Variants in IL34 observed in about 807,000 individuals in gnomAD.
IL34 encodes the protein interleukin 34.
In IL34, 17 loss-of-function variants were observed where a neutral mutation model predicts 25.3. The ratio of observed to expected loss-of-function variants is 0.67; its 90% CI spans 0.46 to 1.01. IL34 has a LOEUF of 1.01. IL34 is among the 50% of genes least tolerant of loss of function. The pLI, the probability that IL34 is intolerant of heterozygous loss-of-function variation, is 0.00. For missense variants in IL34, 368 were observed against 312.9 expected (o/e 1.18, Z -1.33); for synonymous variants, 174 against 140.9 (o/e 1.23, Z -1.66).
chr16:70,645,561 G>A (rs540232829), upstream of IL34, among the ~76,000 whole-genome samples: 6 of 152,282 alleles, frequency 3.9e-5, no homozygotes, highest in Non-Finnish European at 5.9e-5. Flanking sequence ...GGAGGACCAC[G>A]CACACACGCT....
upstream of IL34, among the ~76,000 whole-genome samples, chr16:70,642,982 C>T (rs1350648712): frequency 1.3e-5 from 2 of 152,102 alleles, no homozygotes; most frequent in Admixed American, 6.6e-5. Context: ...TGAAAATGTT[C>T]TGTAATTAAA....
upstream of IL34, among the ~76,000 whole-genome samples, chr16:70,641,606 C>T (rs1198763536): frequency 1.4e-5 from 2 of 146,924 alleles, no homozygotes; most frequent in Non-Finnish European, 3.0e-5. Flanking sequence ...CACTCTGTTG[C>T]CAAGGCTGGA....
At chr16:70,630,334 C>T (rs1320493832) in intron 1 of IL34, among the ~76,000 whole-genome samples, 3 of 152,118 alleles carry the variant, frequency 2.0e-5, no homozygotes, top group South Asian at 4.1e-4. Flanking sequence ...GCCTCCCCAG[C>T]GATTCTCCTG....
upstream of IL34, among the ~76,000 whole-genome samples, chr16:70,642,749 T>A (rs2051815945): frequency 6.6e-6 from 1 of 152,168 alleles, no homozygotes; most frequent in South Asian, 2.1e-4. Flanking sequence ...ACACAAACAT[T>A]CAGTTCATAA....
At chr16:70,647,349 G>A (rs1442373598) in intron 1 of IL34, among the ~76,000 whole-genome samples, 1 of 152,214 alleles carries the variant, frequency 6.6e-6, no homozygotes, top group African/African-American at 2.4e-5. Context: ...GCAGGGGCTG[G>A]TGAAAGTGTC....
chr16:70,597,047 G>A (rs1372595994), intron 1 of IL34, among the ~76,000 whole-genome samples: 2 of 152,166 alleles, frequency 1.3e-5, no homozygotes, highest in African/African-American at 4.8e-5. Context: ...CACTTGAGCA[G>A]CTCAGGTGGG....
chr16:70,595,988 G>A (rs1284812612), intron 1 of IL34, among the ~76,000 whole-genome samples: 1 of 151,072 alleles, frequency 6.6e-6, no homozygotes, highest in South Asian at 2.1e-4. Flanking sequence ...TCCAGCATGG[G>A]CGACACAGCG....
At chr16:70,643,179 C>T (rs1428955072), upstream of IL34, among the ~76,000 whole-genome samples, 3 of 152,212 alleles carry the variant, frequency 2.0e-5, no homozygotes, top group East Asian at 3.9e-4. Flanking sequence ...TCTCCTGCCT[C>T]AGCCTCCTGA....
At chr16:70,597,401 C>G (rs764311530) in intron 1 of IL34, among the ~76,000 whole-genome samples, 5 of 151,766 alleles carry the variant, frequency 3.3e-5, no homozygotes, top group African/African-American at 1.2e-4. Context: ...TTAATTTTTT[C>G]GTAGAGATGG....
At chr16:70,598,269 G>C (rs2050854659) in intron 1 of IL34, among the ~76,000 whole-genome samples, 1 of 152,100 alleles carries the variant, frequency 6.6e-6, no homozygotes, top group African/African-American at 2.4e-5. Flanking sequence ...CGACCTCTTA[G>C]AGGTCACCTT....
Position 70,635,965 on chromosome 16 carries a change from A to G in IL34, c.-400-10583A>G, listed in dbSNP as rs1278748940. On this transcript the variant is annotated intron_variant, in intron 1 of 6. Transcript: ENST00000429149. ...GAGGCTGAGGCAAAAGAGGATCCTC[A>G]CCTTGCCCAAGGCAAGGTGGAGTCA... Among the ~76,000 whole-genome samples, 6 of 151,340 alleles carry G rather than the reference A, an allele frequency of 4.0e-5. 1 individual carries two copies. Among genetic ancestry groups the G allele is most frequent in the Admixed American group, 3.9e-4 (6 of 15,238 alleles).
intron 1 of IL34, among the ~76,000 whole-genome samples, chr16:70,621,947 G>T (rs554526986): frequency 7.2e-5 from 11 of 151,968 alleles, no homozygotes; most frequent in Non-Finnish European, 1.5e-4. Context: ...CAGTTAAGGG[G>T]GGGCAGGGCA....
At chr16:70,642,184 C>T (rs1243976469), upstream of IL34, among the ~76,000 whole-genome samples, 2 of 152,040 alleles carry the variant, frequency 1.3e-5, no homozygotes, top group African/African-American at 4.8e-5. Context: ...TTGCAGATGG[C>T]CACCTTCTCA....
upstream of IL34, among the ~76,000 whole-genome samples, chr16:70,646,118 C>G (rs1380300384): frequency 6.6e-6 from 1 of 151,900 alleles, no homozygotes; most frequent in Non-Finnish European, 1.5e-5. Flanking sequence ...CTATGCTGAC[C>G]AGGCTGGTCT....
intron 1 of IL34, among the ~76,000 whole-genome samples, chr16:70,632,210 A>G (rs2051535970): frequency 6.6e-6 from 1 of 152,122 alleles, no homozygotes; most frequent in African/African-American, 2.4e-5. Flanking sequence ...ACCAGTGAAT[A>G]TGGAGGAGCC....
intron 1 of IL34, among the ~76,000 whole-genome samples, chr16:70,640,947 G>C (rs916162196): frequency 6.6e-6 from 1 of 152,014 alleles, no homozygotes; most frequent in Non-Finnish European, 1.5e-5. Context: ...AGGGTATATA[G>C]GTATATACTC....
At chr16:70,583,507 T>TC (rs1288441672) in intron 1 of IL34, among the ~76,000 whole-genome samples, 1 of 152,108 alleles carries the variant, frequency 6.6e-6, no homozygotes, top group African/African-American at 2.4e-5. Flanking sequence ...CCTCCAGCCT[T>TC]CCCCTGCATC....
intron 1 of IL34, among the ~76,000 whole-genome samples, chr16:70,624,363 G>A (rs2051345774): frequency 6.6e-6 from 1 of 152,132 alleles, no homozygotes; most frequent in Non-Finnish European, 1.5e-5. Flanking sequence ...GCAAGGAATT[G>A]CAACTTTTTT....
chr16:70,585,309 T>C (rs1180778431), intron 1 of IL34, among the ~76,000 whole-genome samples: 1 of 152,126 alleles, frequency 6.6e-6, no homozygotes, highest in Non-Finnish European at 1.5e-5. Context: ...ACAAACATGG[T>C]TCACTGCAGG....
Sources: allele counts gnomAD v4.1 joint callset (sites outside exome capture counted in the v4.1 genomes callset), GRCh38; gene constraint gnomAD v4.1.1; transcripts MANE v1.5; gene names NCBI Gene and HGNC (gene_info 2026-07-23, HGNC 2026-07-21).